Variants in TMC2 observed in about 807,000 individuals in gnomAD.
TMC2 encodes transmembrane channel-like protein 2.
In TMC2, 102 loss-of-function variants were observed where a neutral mutation model predicts 105.9. The ratio of observed to expected loss-of-function variants is 0.96; its 90% CI spans 0.82 to 1.14. The LOEUF is 1.14. TMC2 is among the 50% of genes most tolerant of loss of function. The probability of loss-of-function intolerance (pLI) is 0.00; values close to 1 mark genes in which losing one functional copy is unlikely to be tolerated. For missense variants in TMC2, 1,093 were observed against 1,134.3 expected (o/e 0.96, Z 0.52); for synonymous variants, 402 against 422.8 (o/e 0.95, Z 0.60).
At chr20:2,629,291 G>C (rs2146263496) in intron 17 of TMC2, among the ~76,000 whole-genome samples, 1 of 152,108 alleles carries the variant, frequency 6.6e-6, no homozygotes, top group Non-Finnish European at 1.5e-5. Flanking sequence ...GGAAAAACAA[G>C]TTAATTAATA....
At chr20:2,635,331 C>T (rs1484608759) in intron 17 of TMC2, among the ~76,000 whole-genome samples, 1 of 140,556 alleles carries the variant, frequency 7.1e-6, no homozygotes, top group African/African-American at 2.7e-5. Flanking sequence ...CTTCGGCAAA[C>T]TTAGGTCTCT....
intron 7 of TMC2, among the ~76,000 whole-genome samples, chr20:2,581,592 G>C (rs1053589215): frequency 6.6e-6 from 1 of 152,130 alleles, no homozygotes; most frequent in Non-Finnish European, 1.5e-5. Context: ...TGTTTTCCTC[G>C]GTAGTCAATG....
At chr20:2,627,622 C>T (rs772863774) in intron 17 of TMC2, among the ~76,000 whole-genome samples, 34 of 152,142 alleles carry the variant, frequency 2.2e-4, no homozygotes, top group Non-Finnish European at 4.4e-4. Flanking sequence ...GTGGAGCTCA[C>T]CTCACATGCT....
chr20:2,546,864 T>C (rs6083607), intron 2 of TMC2, among the ~76,000 whole-genome samples: 46,807 of 151,956 alleles, frequency 0.31, 7,650 homozygotes, highest in Admixed American at 0.41. Context: ...ATGAAACTGA[T>C]GGAAAATTTG....
chr20:2,634,857 C>T (rs2086630186), intron 17 of TMC2, among the ~76,000 whole-genome samples: 1 of 152,186 alleles, frequency 6.6e-6, no homozygotes, highest in Non-Finnish European at 1.5e-5. Context: ...ATCTCTGAAT[C>T]CTTGCTTCAG....
At chr20:2,590,798 A>G (rs1412239805) in intron 7 of TMC2, among the ~76,000 whole-genome samples, 2 of 152,124 alleles carry the variant, frequency 1.3e-5, no homozygotes, top group Admixed American at 6.5e-5. Flanking sequence ...CTAATAAACA[A>G]GTATATTGAG....
At chr20:2,540,181 C>T (rs923929399) in intron 2 of TMC2, among the ~76,000 whole-genome samples, 9 of 151,022 alleles carry the variant, frequency 6.0e-5, no homozygotes, top group East Asian at 2.0e-4. Flanking sequence ...TAGTAGAGAC[C>T]GGGTTTCACC....
chr20:2,617,237 G>C lies in TMC2; in HGVS notation c.2106G>C (p.Val702=). Residue 702 remains valine, a synonymous_variant, in exon 16 of 20, where the codon GTG becomes GTC. Coordinates refer to ENST00000358864, the MANE Select transcript of TMC2 (RefSeq NM_080751.3). ...NNFYMGLLLL[V]LFLSLLPVAY... ...TCTACATGGGCCTCCTGCTGCTGGT[G>C]CTCTTCCTCAGCCTCCTGCCGGTGG... is the stretch of plus-strand genomic sequence containing the variant. 1 of 1,614,226 alleles carries C rather than the reference G, an allele frequency of 6.2e-7. No individual in the cohort carries two copies. Among genetic ancestry groups the C allele is most frequent in the Non-Finnish European group, 8.5e-7 (1 of 1,180,036 alleles).
intron 11 of TMC2, among the ~76,000 whole-genome samples, chr20:2,609,366 A>C (rs1359605792): frequency 6.6e-6 from 1 of 152,124 alleles, no homozygotes; most frequent in African/African-American, 2.4e-5. Flanking sequence ...AGAACTGAGG[A>C]ATAGAGTAAG....
At chr20:2,612,902 A>G (rs1374924881) in intron 13 of TMC2, among the ~76,000 whole-genome samples, 1 of 152,240 alleles carries the variant, frequency 6.6e-6, no homozygotes, top group Non-Finnish European at 1.5e-5. Flanking sequence ...TTGCATTTGC[A>G]TACATAATTA....
chr20:2,620,271 A>G (rs2086515672), intron 16 of TMC2, among the ~76,000 whole-genome samples: 1 of 152,230 alleles, frequency 6.6e-6, no homozygotes, highest in Non-Finnish European at 1.5e-5. Context: ...GATTCTGGAA[A>G]TTCTCAGCCT....
intron 14 of TMC2, 152 bp from the exon 15 acceptor site, chr20:2,615,985 T>C (rs1419244672): frequency 1.8e-6 from 1 of 544,006 alleles, no homozygotes; most frequent in African/African-American, 1.9e-5. Context: ...AATAGAATGC[T>C]AAATCTAAGG....
In TMC2 at chr20:2,641,750, T is replaced by A. The variant is rs780654566; in HGVS notation, c.*399T>A. ...CCAGCTTCCCTAACCAGGAGGGGGA[T>A]GGAGAAGGGCCTACATTTCTCAATC... On this transcript the variant is annotated 3_prime_UTR_variant, in exon 20 of 20. Coordinates refer to ENST00000358864, the MANE Select transcript of TMC2 (RefSeq NM_080751.3). 1.6e-5 allele frequency: 3 copies of A among 189,732 alleles called. No individual in the cohort carries two copies. The highest frequency in any genetic ancestry group is 3.3e-5 in the Non-Finnish European group (3 of 89,904). The allele number at this position is 189,732 out of a possible 1,614,324, so 11.8% of individuals were successfully genotyped here. A position where few individuals can be genotyped will look rare whatever the true frequency, so the allele number is the denominator to read the frequency against.
chr20:2,574,260 A>G (rs1230288285), intron 5 of TMC2, among the ~76,000 whole-genome samples: 1 of 152,118 alleles, frequency 6.6e-6, no homozygotes, highest in Admixed American at 6.5e-5. Context: ...TTCCACAGAC[A>G]CGTTTGATTT....
At chr20:2,556,091 T>A (rs532759802) in intron 2 of TMC2, among the ~76,000 whole-genome samples, 3 of 152,298 alleles carry the variant, frequency 2.0e-5, no homozygotes, top group South Asian at 2.1e-4. Context: ...TTTTATTTTT[T>A]ATTTTTATTT....
At chr20:2,611,646 T>G (rs576750003) in intron 12 of TMC2, among the ~76,000 whole-genome samples, 2 of 152,314 alleles carry the variant, frequency 1.3e-5, no homozygotes, top group East Asian at 3.9e-4. Flanking sequence ...GTTCTGTAAT[T>G]GCCAGTTCAT....
At chr20:2,633,865 C>G (rs1303478597) in intron 17 of TMC2, among the ~76,000 whole-genome samples, 2 of 152,180 alleles carry the variant, frequency 1.3e-5, no homozygotes, top group African/African-American at 4.8e-5. Flanking sequence ...CTGCTGCAAA[C>G]CTTTGGTTAA....
rs867124053 is a variant in TMC2, at chr20:2,558,494, C to T, written c.121C>T (p.Leu41Phe). The T allele has an allele frequency of 6.4e-7, 1 of 1,559,066 alleles. No individual in the cohort carries two copies. The highest frequency in any genetic ancestry group is 8.7e-7 in the Non-Finnish European group (1 of 1,151,586). Reference sequence around the variant, plus strand: ...AAGGAGATCCTCAAGCAAGCGGGCTCTCAAAGCCGAGGGGACCCCAGGCAG... The same window carrying T: ...AAGGAGATCCTCAAGCAAGCGGGCTTTCAAAGCCGAGGGGACCCCAGGCAG... The part of the protein sequence containing the change: ...LGRRSSSKRA[L>F]KAEGTPGRRG... The change falls in exon 3 of 20, where the codon CTC (leucine) becomes TTC (phenylalanine). Residue 41 changes from leucine to phenylalanine, a missense_variant. Physicochemically the swap from Leu to Phe is conservative, Grantham distance 22 (BLOSUM62 0). Transcript: ENST00000358864. The surrounding 1 kb of genome is among the most constrained non-coding windows in gnomAD (Gnocchi z 4.6).
At chr20:2,611,956 G>A (rs1428043239) in intron 12 of TMC2, among the ~76,000 whole-genome samples, 2 of 151,854 alleles carry the variant, frequency 1.3e-5, no homozygotes, top group African/African-American at 2.4e-5. Context: ...ATGGACAGAC[G>A]GACAGATGAA....
Sources: allele counts gnomAD v4.1 joint callset (sites outside exome capture counted in the v4.1 genomes callset), GRCh38; gene constraint gnomAD v4.1.1; non-coding constraint Gnocchi (gnomAD v3.1); transcripts MANE v1.5; gene names NCBI Gene and HGNC (gene_info 2026-07-23, HGNC 2026-07-21).